Variants in CUL3 observed in about 807,000 individuals in gnomAD.
CUL3 encodes cullin-3.
CUL3 carries 19 observed loss-of-function variants against 89.1 expected under a neutral mutation model. The observed-to-expected ratio is 0.21, with a 90% confidence interval of 0.15 to 0.31. CUL3 has a LOEUF of 0.31. Ranked by LOEUF, CUL3 falls within the 10% of genes least tolerant of loss-of-function variation. The pLI, the probability that CUL3 is intolerant of heterozygous loss-of-function variation, is 1.00. For missense variants in CUL3, 469 were observed against 942.3 expected (o/e 0.50, Z 6.58); for synonymous variants, 351 against 308.4 (o/e 1.14, Z -1.45).
intron 14 of CUL3, 86 bp from the exon 15 acceptor site, chr2:224,478,431 C>A (rs2106144110): frequency 7.6e-7 from 1 of 1,320,382 alleles, no homozygotes; most frequent in Non-Finnish European, 1.0e-6. Flanking sequence ...ATGTAATCCA[C>A]AGATAAAAAC....
chr2:224,547,791 C>T (rs1416953245), intron 2 of CUL3, among the ~76,000 whole-genome samples: 1 of 151,650 alleles, frequency 6.6e-6, no homozygotes, highest in Non-Finnish European at 1.5e-5. Flanking sequence ...TTAATATTTG[C>T]CTAGAAAGGG....
At chr2:224,502,400 C>A (rs1239716238) in intron 10 of CUL3, among the ~76,000 whole-genome samples, 1 of 152,146 alleles carries the variant, frequency 6.6e-6, no homozygotes, top group Non-Finnish European at 1.5e-5. Context: ...CATCAGACTC[C>A]AAAGCTAAAG....
At chr2:224,500,201 A>G in intron 11 of CUL3, 162 bp downstream of exon 11, 2 of 721,746 alleles carry the variant, frequency 2.8e-6, no homozygotes, top group East Asian at 2.8e-5. Context: ...TCAAGATCCT[A>G]TAGAGGGGGA....
chr2:224,578,886 C>T (rs1178889832), intron 1 of CUL3, among the ~76,000 whole-genome samples: 1 of 152,118 alleles, frequency 6.6e-6, no homozygotes, highest in Non-Finnish European at 1.5e-5. Context: ...TTTTTCTAGC[C>T]TTAATCATAT....
chr2:224,563,348 C>A (rs529472554), intron 1 of CUL3: 2 of 459,320 alleles, frequency 4.4e-6, no homozygotes, highest in South Asian at 3.2e-5. Flanking sequence ...CATTCATTGT[C>A]ATGGTTACAT....
At chr2:224,569,051 C>G (rs1695115946) in intron 1 of CUL3, among the ~76,000 whole-genome samples, 2 of 152,142 alleles carry the variant, frequency 1.3e-5, no homozygotes, top group African/African-American at 2.4e-5. Context: ...ATACTTCATT[C>G]CAGGAGCAAT....
chr2:224,496,205 A>AT (rs1559345972), intron 12 of CUL3, among the ~76,000 whole-genome samples: 1 of 152,070 alleles, frequency 6.6e-6, no homozygotes, highest in Non-Finnish European at 1.5e-5. Context: ...TAACTTTTGT[A>AT]TTTTTTGTAG....
At chr2:224,584,433 G>C (rs1393342863) in intron 1 of CUL3, among the ~76,000 whole-genome samples, 1 of 152,200 alleles carries the variant, frequency 6.6e-6, no homozygotes, top group South Asian at 2.1e-4. Context: ...CTGTCACTGC[G>C]TCGGGGGCAG....
At chr2:224,488,872 T>C (rs1453663793) in intron 13 of CUL3, among the ~76,000 whole-genome samples, 2 of 152,218 alleles carry the variant, frequency 1.3e-5, no homozygotes, top group East Asian at 3.9e-4. Flanking sequence ...AATAAAATAC[T>C]GGCAAACCGA....
At chr2:224,507,052 AAC>A in intron 6 of CUL3, 49 bp from the exon 7 acceptor site, 1 of 1,567,264 alleles carries the variant, frequency 6.4e-7, no homozygotes, top group Non-Finnish European at 8.7e-7. Flanking sequence ...TAAAGAAAAA[AAC>A]ACGAATCTCT....
chr2:224,531,795 C>T (rs1006628673), intron 3 of CUL3, among the ~76,000 whole-genome samples: 1 of 151,968 alleles, frequency 6.6e-6, no homozygotes, highest in Non-Finnish European at 1.5e-5. Flanking sequence ...TAAAAGAATT[C>T]CAAGATGAGA....
intron 2 of CUL3, among the ~76,000 whole-genome samples, chr2:224,547,710 C>T (rs1694356753): frequency 2.6e-5 from 4 of 152,024 alleles, no homozygotes; most frequent in Admixed American, 2.6e-4. Context: ...TCTTAACTCA[C>T]TGCAGTCATT....
intron 2 of CUL3, among the ~76,000 whole-genome samples, chr2:224,539,254 T>C (rs1694006525): frequency 6.6e-6 from 1 of 152,160 alleles, no homozygotes; most frequent in African/African-American, 2.4e-5. Context: ...AAAACACCAA[T>C]CTGATACCAT....
At chr2:224,477,837 C>T (rs1559335106) in intron 15 of CUL3, among the ~76,000 whole-genome samples, 2 of 152,134 alleles carry the variant, frequency 1.3e-5, no homozygotes, top group African/African-American at 4.8e-5. Flanking sequence ...AGGGGTCTTC[C>T]CCTCCTTAGT....
Position 224,516,707 on chromosome 2 carries a change from T to C in CUL3, c.379-1935A>G, listed in dbSNP as rs943148455. 2.6e-5 allele frequency among the ~76,000 whole-genome samples: 4 copies of C among 152,092 alleles called. No individual in the cohort carries two copies. The South Asian group carries it at 8.3e-4, about 32-fold the overall frequency. Reference sequence around the variant, plus strand: ...CTATCACCAGGCTGGAGTGCAGTGGTGTGATCTCGGCTCACTGCAATCTCT... The same window carrying C: ...CTATCACCAGGCTGGAGTGCAGTGGCGTGATCTCGGCTCACTGCAATCTCT... On this transcript the variant is annotated intron_variant, in intron 3 of 15. Coordinates refer to ENST00000264414, the MANE Select transcript of CUL3 (RefSeq NM_003590.5).
At chr2:224,563,634 A>T (rs919475295) in intron 1 of CUL3, among the ~76,000 whole-genome samples, 6 of 152,178 alleles carry the variant, frequency 3.9e-5, no homozygotes, top group African/African-American at 1.4e-4. Flanking sequence ...TCAATTCATA[A>T]ACTTTAAATT....
intron 10 of CUL3, among the ~76,000 whole-genome samples, chr2:224,502,201 A>G (rs1473596436): frequency 6.6e-6 from 1 of 152,212 alleles, no homozygotes; most frequent in Non-Finnish European, 1.5e-5. Flanking sequence ...TGATGATCTC[A>G]TATTTAGATA....
chr2:224,571,769 A>G (rs1695186087), intron 1 of CUL3, among the ~76,000 whole-genome samples: 2 of 152,226 alleles, frequency 1.3e-5, no homozygotes, highest in Non-Finnish European at 1.5e-5. Flanking sequence ...AAAGTAAGTA[A>G]TTTTTGCAAC....
intron 2 of CUL3, among the ~76,000 whole-genome samples, chr2:224,541,834 C>A (rs1306766190): frequency 6.6e-6 from 1 of 151,528 alleles, no homozygotes; most frequent in African/African-American, 2.4e-5. Flanking sequence ...ATATGACATT[C>A]TTGAAAAAAA....
Sources: gnomAD v4.1 joint callset for allele counts (sites outside exome capture counted in the v4.1 genomes callset) on GRCh38, gnomAD v4.1.1 for gene constraint, MANE v1.5 for transcripts, NCBI Gene and HGNC (gene_info 2026-07-23, HGNC 2026-07-21) for gene names.